Variants in RICTOR observed in about 807,000 individuals in gnomAD.
RICTOR encodes the protein rapamycin-insensitive companion of mTOR.
Under a neutral mutation model 214.9 loss-of-function variants are expected in RICTOR, and 49 were observed. That is an observed-to-expected ratio of 0.23 (90% CI 0.18 to 0.29). The LOEUF is 0.29. Among genes scored for constraint, RICTOR ranks in the 10% least tolerant of loss-of-function variants. The pLI is 1.00. For missense variants in RICTOR, 1,625 were observed against 2,047.0 expected, an observed-to-expected ratio of 0.79 and a Z score of 3.98; for synonymous variants, 717 against 711.3, an observed-to-expected ratio of 1.01 and a Z score of -0.13.
chr5:39,037,270 G>A (rs1303127437), intron 2 of RICTOR, among the ~76,000 whole-genome samples: 10 of 151,498 alleles, frequency 6.6e-5, no homozygotes, highest in African/African-American at 4.9e-5. Flanking sequence ...TGAAACCAAC[G>A]AGAACAAAGA....
chr5:39,020,733 T>C (rs2150135413), intron 3 of RICTOR, among the ~76,000 whole-genome samples: 1 of 152,338 alleles, frequency 6.6e-6, no homozygotes, highest in East Asian at 1.9e-4. Flanking sequence ...CCATATATTA[T>C]CAAGTAAAAT....
chr5:38,952,174 A>G (rs1748847588), intron 30 of RICTOR, 22 bp downstream of exon 30: 1 of 1,349,276 alleles, frequency 7.4e-7, no homozygotes, highest in African/African-American at 1.4e-5. Flanking sequence ...CTAACTTTAT[A>G]TGAACCTGTC....
intron 3 of RICTOR, among the ~76,000 whole-genome samples, chr5:39,018,057 G>A (rs542663836): frequency 1.3e-5 from 2 of 152,038 alleles, no homozygotes; most frequent in Non-Finnish European, 2.9e-5. Flanking sequence ...AAGGTGGGGG[G>A]AACGTTATCC....
intron 2 of RICTOR, among the ~76,000 whole-genome samples, chr5:39,054,224 A>G (rs1758053766): frequency 6.6e-6 from 1 of 152,226 alleles, no homozygotes; most frequent in Non-Finnish European, 1.5e-5. Flanking sequence ...CTGTGAAATG[A>G]AAGACAAGAA....
At chr5:39,014,145 A>C (rs935880034) in intron 3 of RICTOR, among the ~76,000 whole-genome samples, 1 of 152,152 alleles carries the variant, frequency 6.6e-6, no homozygotes. Context: ...AGGATTGTGT[A>C]AGTACACTCT....
chr5:39,015,676 G>A (rs547055079), intron 3 of RICTOR, among the ~76,000 whole-genome samples: 1 of 152,044 alleles, frequency 6.6e-6, no homozygotes, highest in Non-Finnish European at 1.5e-5. Flanking sequence ...CTGATTTACA[G>A]TAATAGTTTA....
intron 8 of RICTOR, among the ~76,000 whole-genome samples, chr5:38,979,348 T>G (rs867695920): frequency 1.1e-4 from 16 of 152,214 alleles, no homozygotes; most frequent in South Asian, 2.1e-4. Flanking sequence ...TCTACGGCAT[T>G]ACTGTGGACA....
chr5:38,954,628 T>C (rs1749080262), intron 27 of RICTOR, 146 bp downstream of exon 27: 2 of 581,294 alleles, frequency 3.4e-6, no homozygotes, highest in Non-Finnish European at 6.1e-6. Flanking sequence ...CTAAGTCAAT[T>C]ACAAAATAGA....
intron 6 of RICTOR, among the ~76,000 whole-genome samples, chr5:38,995,631 A>C (rs1465968468): frequency 1.3e-5 from 2 of 152,112 alleles, no homozygotes; most frequent in Admixed American, 6.5e-5. Context: ...TGTGTTTATT[A>C]TTTTAAACAT....
chr5:38,958,755 A>T lies in RICTOR; in HGVS notation c.2255T>A (p.Ile752Asn), dbSNP rs1417222070. The change falls in exon 23 of 38, where the codon ATT (isoleucine) becomes AAT (asparagine). Residue 752 changes from isoleucine to asparagine, a missense_variant. Transcript: ENST00000357387. Reference protein sequence around the residue: ...ANVEFFNNWGIELLVTQLHDK... With the variant: ...ANVEFFNNWGNELLVTQLHDK... ...ATGTAGCTGGGTCACTAACAACTCA[A>T]TTCCCCAATTATTAAAGAATTCAAC... 11 of 1,610,926 alleles carry T rather than the reference A, an allele frequency of 6.8e-6. No individual in the cohort carries two copies. The highest frequency in any genetic ancestry group is 9.3e-6 in the Non-Finnish European group (11 of 1,178,044).
At chr5:39,070,147 A>G (rs1040287475) in intron 2 of RICTOR, among the ~76,000 whole-genome samples, 2 of 152,230 alleles carry the variant, frequency 1.3e-5, no homozygotes, top group Non-Finnish European at 2.9e-5. Flanking sequence ...AAAACTCCTA[A>G]CCAGAAGAAA....
chr5:38,953,847 A>T (rs1156387217), intron 27 of RICTOR, among the ~76,000 whole-genome samples: 1 of 151,826 alleles, frequency 6.6e-6, no homozygotes, highest in East Asian at 1.9e-4. Context: ...TAAGGTTTCA[A>T]GATTTAATAA....
At chr5:39,043,574 G>T (rs909574555) in intron 2 of RICTOR, among the ~76,000 whole-genome samples, 1 of 152,106 alleles carries the variant, frequency 6.6e-6, no homozygotes, top group Non-Finnish European at 1.5e-5. Flanking sequence ...TAACAGTACT[G>T]TATTGTATAT....
rs1361484781 is a variant in RICTOR, at chr5:38,950,023, G to A, written c.3825C>T (p.Asn1275=). The A allele has an allele frequency of 6.8e-6, 11 of 1,613,486 alleles. No individual in the cohort carries two copies. Among genetic ancestry groups the A allele is most frequent in the Non-Finnish European group, 9.3e-6 (11 of 1,179,614 alleles). Residue 1275 remains asparagine, a synonymous_variant, in exon 31 of 38, where the codon AAC becomes AAT. Transcript: ENST00000357387. ...AATTTGATTTGGAGAGAGACAGATGGTTAGACTGTGGCGTCAAATAGTGGC... is the reference window on the plus strand; with the variant it reads ...AATTTGATTTGGAGAGAGACAGATGATTAGACTGTGGCGTCAAATAGTGGC... ...KTSHYLTPQS[N]HLSLSKSNSV...
At position 38,960,446 on chromosome 5, in the gene RICTOR, G is replaced by C. The variant is rs1175836730; in HGVS notation, c.1803C>G (p.Leu601=). The C allele has an allele frequency of 2.5e-6, 4 of 1,613,782 alleles. No individual in the cohort carries two copies. In the African/African-American group the frequency reaches 4.0e-5, roughly 16 times the overall value. The change falls in exon 20 of 38, where the codon CTC becomes CTG. Residue 601 remains leucine (L), a synonymous_variant. Coordinates refer to ENST00000357387, the MANE Select transcript of RICTOR (RefSeq NM_152756.5). ...LDLDFAKAKQ[L]TVVGCQFTEF... is the part of the protein sequence containing the mutation. ...CTGTAAACTGGCAACCTACAACCGT[G>C]AGCTGTTTGGCCTTGGCAAAATCCA...
At chr5:39,074,045 C>G (rs997056226) in intron 2 of RICTOR, 66 bp downstream of exon 2, 26 of 1,294,692 alleles carry the variant, frequency 2.0e-5, no homozygotes, top group Non-Finnish European at 2.7e-5. Flanking sequence ...GCCTCTGGCC[C>G]CCAGCCCCGG....
At chr5:39,027,103 A>G (rs1264109090) in intron 2 of RICTOR, among the ~76,000 whole-genome samples, 1 of 152,198 alleles carries the variant, frequency 6.6e-6, no homozygotes, top group African/African-American at 2.4e-5. Context: ...CCAAAATGTC[A>G]AGAGATTTAT....
chr5:38,958,637 A>G (rs1378731612), intron 23 of RICTOR, 30 bp downstream of exon 23: 2 of 1,539,244 alleles, frequency 1.3e-6, no homozygotes, highest in Non-Finnish European at 1.8e-6. Context: ...AAAAAATTTA[A>G]GTATTAAATT....
chr5:39,027,552 C>T (rs908316774), intron 2 of RICTOR, among the ~76,000 whole-genome samples: 18 of 152,088 alleles, frequency 1.2e-4, no homozygotes, highest in African/African-American at 2.9e-4. Context: ...TTGCATGGCA[C>T]GTATATAGTA....
Sources: gnomAD v4.1 joint callset for allele counts (sites outside exome capture counted in the v4.1 genomes callset) on GRCh38, gnomAD v4.1.1 for gene constraint, MANE v1.5 for transcripts, NCBI Gene and HGNC (gene_info 2026-07-23, HGNC 2026-07-21) for gene names.